Variants in FRMD3 observed in about 807,000 individuals in gnomAD.
FRMD3 encodes FERM domain containing 3, also known as FERM domain-containing protein 3.
In FRMD3, 33 loss-of-function variants were observed where a neutral mutation model predicts 70.2. That is an observed-to-expected ratio of 0.47 (90% CI 0.36 to 0.63). The LOEUF is 0.63. Ranked by LOEUF, FRMD3 falls within the 20% of genes least tolerant of loss-of-function variation. The pLI, the probability that FRMD3 is intolerant of heterozygous loss-of-function variation, is 0.00. For missense variants in FRMD3, 632 were observed against 711.4 expected (o/e 0.89, Z 1.27); for synonymous variants, 279 against 255.9 (o/e 1.09, Z -0.86).
chr9:83,581,351 A>G, the FRMD3 span, among the ~76,000 whole-genome samples: 1 of 152,214 alleles, frequency 6.6e-6, no homozygotes, highest in African/African-American at 2.4e-5. Flanking sequence ...AATGACCAAT[A>G]AGCACATGAA....
intron 2 of FRMD3, among the ~76,000 whole-genome samples, chr9:83,378,698 TATA>T (rs1479480903): frequency 8.7e-5 from 10 of 115,004 alleles, no homozygotes; most frequent in Non-Finnish European, 1.6e-4. Flanking sequence ...ATATATTATA[TATA>T]ATATGTATAC....
rs1835008081 is a variant in FRMD3, at chr9:83,303,681, A to C, written c.927-4495T>G. On this transcript the variant is annotated intron_variant, in intron 10 of 13. Transcript: ENST00000304195. ...CACCTAGGTTCCTCATCCCAGATTC[A>C]GATTTCTCAAAATAACAGCTTTGTC... Among the ~76,000 whole-genome samples the C allele has an allele frequency of 2.0e-5, 3 of 152,242 alleles. No individual in the cohort carries two copies. In the South Asian group the frequency reaches 6.2e-4, roughly 31 times the overall value.
At chr9:83,522,959 GC>G (rs76153489) in intron 1 of FRMD3, among the ~76,000 whole-genome samples, 6,969 of 152,154 alleles carry the variant, frequency 0.046, 234 homozygotes, top group South Asian at 0.11. Flanking sequence ...TCTACTATTG[GC>G]CCCTTTATGA....
At chr9:83,500,498 G>GCACACACA (rs1491199985) in intron 1 of FRMD3, among the ~76,000 whole-genome samples, 2 of 62,938 alleles carry the variant, frequency 3.2e-5, no homozygotes, top group South Asian at 5.1e-4. Context: ...TGGCGTGTAT[G>GCACACACA]CGCGCACACA....
chr9:83,297,430 A>C, intron 12 of FRMD3: 1 of 206,418 alleles, frequency 4.8e-6, no homozygotes, highest in Non-Finnish European at 1.0e-5. Context: ...AAAAGTCAGG[A>C]CCTTGGATAA....
rs775970881 is a variant in FRMD3 at position 83,248,164 on chromosome 9, A to G, written c.1548T>C (p.Thr516=). ...CCAGTGGGTTCACCCGAATATGGCC[A>G]GTCAGAATGTCATAGCTCCACGACA... is the stretch of plus-strand genomic sequence containing the variant. The part of the protein sequence containing the change: ...RALSWSYDIL[T]GHIRVNPLVK... Residue 516 remains threonine (T), a synonymous_variant, in exon 14 of 14, where the codon ACT becomes ACC. Coordinates refer to ENST00000304195, the MANE Select transcript of FRMD3 (RefSeq NM_174938.6). The G allele has an allele frequency of 6.8e-6, 11 of 1,614,224 alleles. No individual in the cohort carries two copies. Among genetic ancestry groups the G allele is most frequent in the Non-Finnish European group, 9.3e-6 (11 of 1,180,042 alleles).
At chr9:83,435,549 C>T (rs764699435) in intron 1 of FRMD3, among the ~76,000 whole-genome samples, 6 of 152,020 alleles carry the variant, frequency 3.9e-5, no homozygotes, top group Admixed American at 6.5e-5. Flanking sequence ...CCCTAAACCA[C>T]AGCCACCACC....
chr9:83,425,741 T>C (rs2131367308), intron 1 of FRMD3, among the ~76,000 whole-genome samples: 1 of 151,700 alleles, frequency 6.6e-6, no homozygotes, highest in Admixed American at 6.5e-5. Context: ...CCCCCATCTC[T>C]ACTAAAAATA....
At chr9:83,342,861 A>G (rs1823819814) in intron 5 of FRMD3, among the ~76,000 whole-genome samples, 1 of 152,144 alleles carries the variant, frequency 6.6e-6, no homozygotes, top group African/African-American at 2.4e-5. Flanking sequence ...GAGAACATAC[A>G]ATACCCACAT....
chr9:83,364,474 T>G (rs189065479), intron 3 of FRMD3, among the ~76,000 whole-genome samples: 2 of 151,946 alleles, frequency 1.3e-5, no homozygotes, highest in Admixed American at 1.3e-4. Context: ...GAGAATTGCT[T>G]GAACCCTGGA....
chr9:83,460,782 T>C (rs1174620767), intron 1 of FRMD3, among the ~76,000 whole-genome samples: 1 of 152,228 alleles, frequency 6.6e-6, no homozygotes, highest in Non-Finnish European at 1.5e-5. Context: ...TATTAGATTT[T>C]TTTGTTTATT....
intron 2 of FRMD3, among the ~76,000 whole-genome samples, chr9:83,386,707 T>C (rs867138085): frequency 1.3e-5 from 2 of 152,214 alleles, no homozygotes; most frequent in South Asian, 2.1e-4. Flanking sequence ...ACTTTCTGTG[T>C]TCACCCAGTT....
At chr9:83,396,184 C>G (rs1825806966) in intron 1 of FRMD3, among the ~76,000 whole-genome samples, 1 of 152,298 alleles carries the variant, frequency 6.6e-6, no homozygotes, top group East Asian at 1.9e-4. Flanking sequence ...TCCCCATTCT[C>G]TATGTGGAGA....
chr9:83,295,971 A>G lies in FRMD3; in HGVS notation c.1070+2777T>C, dbSNP rs371296237. Among the ~76,000 whole-genome samples the G allele has an allele frequency of 2.2e-4, 34 of 152,346 alleles. No homozygotes were observed. The East Asian group carries it at 6.0e-3, about 27-fold the overall frequency. Reference sequence around the variant, plus strand: ...TCTCAGTCTGCTTCTGTTTCTCTACATAAACACACACACCTCAGCAGATGT... The same window carrying G: ...TCTCAGTCTGCTTCTGTTTCTCTACGTAAACACACACACCTCAGCAGATGT... On this transcript the variant is annotated intron_variant, in intron 12 of 13. Coordinates refer to ENST00000304195, the MANE Select transcript of FRMD3 (RefSeq NM_174938.6).
At chr9:83,311,360 C>T (rs754032225) in intron 8 of FRMD3, among the ~76,000 whole-genome samples, 4 of 151,974 alleles carry the variant, frequency 2.6e-5, no homozygotes, top group Non-Finnish European at 4.4e-5. Flanking sequence ...GTTAACAGAC[C>T]AGGGAACTGC....
intron 13 of FRMD3, among the ~76,000 whole-genome samples, chr9:83,266,671 T>C (rs957224295): frequency 2.4e-4 from 36 of 152,136 alleles, no homozygotes; most frequent in African/African-American, 8.0e-4. Flanking sequence ...TGATCATCCA[T>C]TCTGCCTTCT....
At chr9:83,527,245 C>T (rs1829703911) in intron 1 of FRMD3, among the ~76,000 whole-genome samples, 2 of 152,186 alleles carry the variant, frequency 1.3e-5, no homozygotes, top group Non-Finnish European at 2.9e-5. Context: ...CTCTCATGGA[C>T]ATGCAACACT....
rs139627806 is a variant in FRMD3, at chr9:83,476,655, C to T, written c.147+61430G>A. Among the ~76,000 whole-genome samples, 716 of 152,208 alleles carry T rather than the reference C, an allele frequency of 4.7e-3. 1 individual carries two copies. Among genetic ancestry groups the T allele is most frequent in the Non-Finnish European group, 7.8e-3 (531 of 68,024 alleles). On this transcript the variant is annotated intron_variant, in intron 1 of 13. Coordinates refer to ENST00000304195, the MANE Select transcript of FRMD3 (RefSeq NM_174938.6). Reference sequence around the variant, plus strand: ...CTGAGGCCACCATGGGAAAATGTACCGCAGGAAAGAAGGGTCAATAAACTA... The same window carrying T: ...CTGAGGCCACCATGGGAAAATGTACTGCAGGAAAGAAGGGTCAATAAACTA...
intron 13 of FRMD3, among the ~76,000 whole-genome samples, chr9:83,254,372 A>G (rs1832591233): frequency 6.6e-6 from 1 of 151,958 alleles, no homozygotes; most frequent in South Asian, 2.1e-4. Flanking sequence ...ATAAAGTTGT[A>G]AGAATTGCAC....
Sources: gnomAD v4.1 joint callset for allele counts (sites outside exome capture counted in the v4.1 genomes callset) on GRCh38, gnomAD v4.1.1 for gene constraint, MANE v1.5 for transcripts, NCBI Gene and HGNC (gene_info 2026-07-23, HGNC 2026-07-21) for gene names.